The following MYO5C variants were observed in gnomAD, a reference collection of about 807,000 sequenced individuals.
MYO5C encodes unconventional myosin-Vc.
In MYO5C, 194 loss-of-function variants were observed where a neutral mutation model predicts 235.7. That is an observed-to-expected ratio of 0.82 (90% CI 0.73 to 0.93). The LOEUF is 0.93. MYO5C is among the 40% of genes least tolerant of loss of function. MYO5C has a pLI of 0.00. For synonymous variants in MYO5C, 707 were observed against 754.8 expected (o/e 0.94, Z 1.04); for missense variants, 2,038 against 2,127.2 (o/e 0.96, Z 0.82).
chr15:52,273,416 T>A (rs1209770989), intron 5 of MYO5C, among the ~76,000 whole-genome samples: 1 of 152,244 alleles, frequency 6.6e-6, no homozygotes, highest in Admixed American at 6.5e-5. Flanking sequence ...TGTTATGGAC[T>A]GAATGTTTGT....
rs755670747 is a variant in MYO5C, at chr15:52,221,267, A to G, written c.3628-12T>C. On this transcript the variant is annotated splice_polypyrimidine_tract_variant and intron_variant, in intron 29 of 40. Transcript: ENST00000261839. ...AAGTCTGGGATCATCTTTAGAGAAG[A>G]ATTAGAAATATTAGAATATAAAATA... 18 of 1,546,106 alleles carry G rather than the reference A, an allele frequency of 1.2e-5. No individual in the cohort carries two copies. In the South Asian group the frequency reaches 2.1e-4, roughly 18 times the overall value.
In MYO5C at chr15:52,218,611, C is replaced by T. The variant is rs753675427; in HGVS notation, c.3862G>A (p.Ala1288Thr). ...LIDKIQEMQE[A>T]SDHLKKQFET... ...AATTGTTTCTTCAAGTGGTCACTGG[C>T]CTCCTGCATTTCTTGAATCTTATCA... Residue 1288 changes from alanine (A) to threonine (T), a missense_variant, in exon 32 of 41, where the codon GCC becomes ACC. Physicochemically the swap from Ala to Thr is moderately conservative, Grantham distance 58. Transcript: ENST00000261839. 2 of 1,614,184 alleles carry T rather than the reference C, an allele frequency of 1.2e-6. No individual in the cohort carries two copies. The highest frequency in any genetic ancestry group is 1.1e-5 in the South Asian group (1 of 91,078).
rs188172922 is a variant in MYO5C, at chr15:52,282,646, T to C, written c.138+136A>G. ...AGTGAGTCCCGGCACCAGGAGGCCA[T>C]TTGGGAATGGTGCTGGTGCCCACTC... On this transcript the variant is annotated intron_variant, in intron 2 of 40. Transcript: ENST00000261839. 7.6e-6 allele frequency: 5 copies of C among 655,168 alleles called. No homozygotes were observed. In the African/African-American group the frequency reaches 8.9e-5, roughly 12 times the overall value. 40.6% of individuals were successfully genotyped at this position (655,168 alleles called of 1,614,324 possible). A position where few individuals can be genotyped will look rare whatever the true frequency, so the allele number is the denominator to read the frequency against.
Position 52,261,190 on chromosome 15 carries a change from C to T in MYO5C, c.1048-63G>A, listed in dbSNP as rs950810430. The T allele has an allele frequency of 2.0e-5, 32 of 1,575,022 alleles. No individual in the cohort carries two copies. The East Asian group carries it at 2.7e-4, about 13-fold the overall frequency. ...CCATCCAAAGACACACAATCCCACCCGGCCAAGGCCCCCGTGCCCACACTC... is the reference window on the plus strand; with the variant it reads ...CCATCCAAAGACACACAATCCCACCTGGCCAAGGCCCCCGTGCCCACACTC... On this transcript the variant is annotated intron_variant, in intron 9 of 40. Coordinates refer to ENST00000261839, the MANE Select transcript of MYO5C (RefSeq NM_018728.4).
intron 8 of MYO5C, among the ~76,000 whole-genome samples, chr15:52,264,955 G>A (rs1321794757): frequency 6.6e-6 from 1 of 152,194 alleles, no homozygotes; most frequent in Non-Finnish European, 1.5e-5. Flanking sequence ...TCTCCTTCTA[G>A]GCTCCAGAAA....
At chr15:52,227,904 A>G (rs978014990) in intron 25 of MYO5C, among the ~76,000 whole-genome samples, 1 of 152,226 alleles carries the variant, frequency 6.6e-6, no homozygotes, top group African/African-American at 2.4e-5. Flanking sequence ...CAAATACTCT[A>G]CTAATATGTA....
At chr15:52,227,361 A>ATT (rs367612324) in intron 25 of MYO5C, among the ~76,000 whole-genome samples, 271 of 137,510 alleles carry the variant, frequency 2.0e-3, no homozygotes, top group African/African-American at 6.1e-3. Flanking sequence ...CGCCCGGCTA[A>ATT]TTTTTTTTTT....
intron 39 of MYO5C, 70 bp downstream of exon 39, chr15:52,196,239 A>G: frequency 6.9e-7 from 1 of 1,459,738 alleles, no homozygotes. Context: ...TGGCTAAACC[A>G]AGAAAGGCAA....
intron 23 of MYO5C, among the ~76,000 whole-genome samples, chr15:52,234,530 T>C (rs959223861): frequency 6.6e-6 from 1 of 152,092 alleles, no homozygotes; most frequent in African/African-American, 2.4e-5. Context: ...TGTGCTGTAA[T>C]AAAAAGGGTG....
intron 1 of MYO5C, among the ~76,000 whole-genome samples, chr15:52,288,538 G>A (rs758103370): frequency 7.9e-5 from 12 of 152,152 alleles, no homozygotes; most frequent in African/African-American, 1.9e-4. Flanking sequence ...AGTAAACAAC[G>A]GTGAGTTTAC....
intron 20 of MYO5C, among the ~76,000 whole-genome samples, chr15:52,241,285 A>T (rs539347229): frequency 2.0e-5 from 2 of 102,198 alleles, no homozygotes; most frequent in Non-Finnish European, 3.4e-5. Flanking sequence ...TTTGAGACGG[A>T]GTCTCACTCT....
chr15:52,277,909 G>A, intron 4 of MYO5C: 1 of 456,058 alleles, frequency 2.2e-6, no homozygotes, highest in African/African-American at 2.0e-5. Context: ...CCCTCTGAGA[G>A]TCCAGCTCAC....
intron 13 of MYO5C, chr15:52,251,176 G>A: frequency 2.8e-6 from 1 of 356,720 alleles, no homozygotes; most frequent in Non-Finnish European, 5.0e-6. Context: ...TCAGAAGTGT[G>A]GTCTTCTAAC....
At chr15:52,209,078 C>T (rs1596141160) in intron 35 of MYO5C, among the ~76,000 whole-genome samples, 1 of 152,164 alleles carries the variant, frequency 6.6e-6, no homozygotes, top group East Asian at 1.9e-4. Context: ...GAGGTCTAGC[C>T]TTTGAGGGAA....
In MYO5C at chr15:52,193,927, T is replaced by C. The variant is rs746042613; in HGVS notation, c.5204A>G (p.Lys1735Arg). Residue 1735 changes from lysine (K) to arginine (R), a missense_variant, in exon 41 of 41, where the codon AAG becomes AGG. Physicochemically the swap from Lys to Arg is conservative, Grantham distance 26 (BLOSUM62 2). Coordinates refer to ENST00000261839, the MANE Select transcript of MYO5C (RefSeq NM_018728.4). ...LEMIQIPSSFKLGFLNRL is the reference protein window; with the variant it reads ...LEMIQIPSSFRLGFLNRL ...CTATAACCTATTCAGAAAGCCTAGC[T>C]TGAAACTGCTGGGGATCTGAATCAT... 2.5e-6 allele frequency: 4 copies of C among 1,613,106 alleles called. No homozygotes were observed. Among genetic ancestry groups the C allele is most frequent in the South Asian group, 1.1e-5 (1 of 90,784 alleles).
At chr15:52,214,142 GA>G (rs2141277687) in intron 33 of MYO5C, among the ~76,000 whole-genome samples, 1 of 152,122 alleles carries the variant, frequency 6.6e-6, no homozygotes, top group East Asian at 1.9e-4. Context: ...AAGAAGGGAG[GA>G]GGGTCCCTTT....
chr15:52,204,399 G>A (rs934470470), intron 38 of MYO5C, among the ~76,000 whole-genome samples: 1 of 151,944 alleles, frequency 6.6e-6, no homozygotes, highest in African/African-American at 2.4e-5. Flanking sequence ...TGTTCCGTCT[G>A]CAATGTCTCT....
chr15:52,272,743 AT>A lies in MYO5C; in HGVS notation c.607-21del. On this transcript the variant is annotated intron_variant, in intron 5 of 40. Coordinates refer to ENST00000261839, the MANE Select transcript of MYO5C (RefSeq NM_018728.4). Reference sequence around the variant, plus strand: ...AACGGCCTAAAAAAAATAAGACTCTATTGAAATAACAACATTAAAAGATTTT... The same window carrying A: ...AACGGCCTAAAAAAAATAAGACTCTATGAAATAACAACATTAAAAGATTTT... 4 of 1,609,894 alleles carry A rather than the reference AT, an allele frequency of 2.5e-6. No individual in the cohort carries two copies. Among genetic ancestry groups the A allele is most frequent in the Non-Finnish European group, 3.4e-6 (4 of 1,178,600 alleles).
intron 32 of MYO5C, among the ~76,000 whole-genome samples, chr15:52,216,518 C>G (rs1455604438): frequency 6.6e-6 from 1 of 152,026 alleles, no homozygotes; most frequent in Non-Finnish European, 1.5e-5. Context: ...AGGCCCAGGT[C>G]TCTGTTAATT....
Sources: allele counts gnomAD v4.1 joint callset (sites outside exome capture counted in the v4.1 genomes callset), GRCh38; gene constraint gnomAD v4.1.1; transcripts MANE v1.5; gene names NCBI Gene and HGNC (gene_info 2026-07-23, HGNC 2026-07-21).